The following DOP1B variants were observed in gnomAD, a reference collection of about 807,000 sequenced individuals.
DOP1B encodes the protein DOP1 leucine zipper like protein B, also known as protein DOP1B.
In DOP1B, 174 loss-of-function variants were observed where a neutral mutation model predicts 233.5. The ratio of observed to expected loss-of-function variants is 0.75; its 90% CI spans 0.66 to 0.85. The LOEUF (loss-of-function observed/expected upper bound fraction) is 0.85. Among genes scored for constraint, DOP1B ranks in the 40% least tolerant of loss-of-function variants. DOP1B has a pLI of 0.00. For missense variants in DOP1B, 2,652 were observed against 2,846.6 expected, an observed-to-expected ratio of 0.93 and a Z score of 1.56; for synonymous variants, 1,190 against 1,185.6, an observed-to-expected ratio of 1.00 and a Z score of -0.08.
At chr21:36,289,307 A>AGATGGTGGTTTC in intron 35 of DOP1B, 101 bp downstream of exon 35, 1 of 1,242,222 alleles carries the variant, frequency 8.1e-7, no homozygotes, top group Non-Finnish European at 1.1e-6. Context: ...ATGGGAAACC[A>AGATGGTGGTTTC]CCATCTGGGT....
intron 14 of DOP1B, 53 bp from the exon 15 acceptor site, chr21:36,232,751 C>T (rs2066781677): frequency 1.2e-6 from 2 of 1,604,410 alleles, no homozygotes; most frequent in Non-Finnish European, 1.7e-6. Context: ...GACTGGGGAC[C>T]CATTCTCACG....
At chr21:36,258,439 A>G (rs1207283104) in intron 23 of DOP1B, among the ~76,000 whole-genome samples, 3 of 152,118 alleles carry the variant, frequency 2.0e-5, no homozygotes, top group Non-Finnish European at 4.4e-5. Context: ...CACATCAGAC[A>G]ATGTGCCGAC....
chr21:36,219,308 A>AT (rs1328972736), intron 9 of DOP1B, 64 bp from the exon 10 acceptor site: 1 of 1,600,860 alleles, frequency 6.2e-7, no homozygotes, highest in African/African-American at 1.3e-5. Context: ...GTATATACAT[A>AT]TGTCACTTAC....
At chr21:36,250,933 T>G (rs1179768252) in intron 21 of DOP1B, among the ~76,000 whole-genome samples, 4 of 152,106 alleles carry the variant, frequency 2.6e-5, no homozygotes, top group African/African-American at 9.7e-5. Context: ...TCACTGCCCC[T>G]TCCCCCCGCC....
At chr21:36,209,242 C>G (rs1352680759) in intron 5 of DOP1B, among the ~76,000 whole-genome samples, 1 of 152,224 alleles carries the variant, frequency 6.6e-6, no homozygotes, top group African/African-American at 2.4e-5. Flanking sequence ...CTCTCTCAGC[C>G]TCCCGAGTAG....
At chr21:36,238,135 C>G (rs865893618) in intron 16 of DOP1B, among the ~76,000 whole-genome samples, 3 of 152,270 alleles carry the variant, frequency 2.0e-5, no homozygotes, top group Middle Eastern at 3.4e-3. Flanking sequence ...CCACTGCACT[C>G]TGGTTTGGGT....
intron 2 of DOP1B, among the ~76,000 whole-genome samples, chr21:36,186,206 A>C (rs1481354058): frequency 6.7e-6 from 1 of 149,886 alleles, no homozygotes; most frequent in African/African-American, 2.4e-5. Flanking sequence ...TCGTCTCACA[A>C]AAAAAAAAAG....
At chr21:36,213,306 C>G (rs553527947) in intron 7 of DOP1B, among the ~76,000 whole-genome samples, 1 of 152,258 alleles carries the variant, frequency 6.6e-6, no homozygotes, top group African/African-American at 2.4e-5. Flanking sequence ...GACACTGGGC[C>G]TGACCACAGT....
rs140662417 is a variant in DOP1B at position 36,203,523 on chromosome 21, G to A, written c.491+3022G>A. On this transcript the variant is annotated intron_variant, in intron 4 of 36. Coordinates refer to ENST00000691173, the MANE Select transcript of DOP1B (RefSeq NM_001320714.2). Reference sequence around the variant, plus strand: ...GTGGAGGTTGCAGTGAGCCAAGATCGCACCACTGCACTCTAGCCTGGGCAA... The same window carrying A: ...GTGGAGGTTGCAGTGAGCCAAGATCACACCACTGCACTCTAGCCTGGGCAA... Among the ~76,000 whole-genome samples the A allele has an allele frequency of 1.6e-3, 243 of 152,146 alleles. 2 individuals are homozygous for A. The highest frequency in any genetic ancestry group is 2.1e-3 in the Admixed American group (32 of 15,266).
Position 36,239,877 on chromosome 21 carries a change from G to A in DOP1B, c.2989G>A (p.Glu997Lys). 7 of 1,603,334 alleles carry A rather than the reference G, an allele frequency of 4.4e-6. No individual in the cohort carries two copies. The highest frequency in any genetic ancestry group is 2.3e-5 in the East Asian group (1 of 44,406). ...LSLGDVARILEPVLLLLLQPK... is the reference protein window; with the variant it reads ...LSLGDVARILKPVLLLLLQPK... ...CCTCGGGGACGTGGCTCGCATCCTC[G>A]AACCCGTGCTCCTGCTGCTGCTGCA... The change falls in exon 18 of 37, where the codon GAA becomes AAA. Residue 997 changes from glutamate to lysine, a missense_variant. By Grantham distance (56) the Glu-to-Lys change is moderately conservative. Coordinates refer to ENST00000691173, the MANE Select transcript of DOP1B (RefSeq NM_001320714.2).
At chr21:36,221,364 C>G (rs9978042) in intron 10 of DOP1B, among the ~76,000 whole-genome samples, 151,704 of 151,712 alleles carry the variant, frequency 1, 75,848 homozygotes, top group Middle Eastern at 1. Context: ...GTGTGGTGGG[C>G]CATGCCTGTA....
chr21:36,212,047 T>C lies in DOP1B; in HGVS notation c.854T>C (p.Leu285Pro). 6.2e-7 allele frequency: 1 copy of C among 1,613,870 alleles called. No homozygotes were observed. The highest frequency in any genetic ancestry group is 8.5e-7 in the Non-Finnish European group (1 of 1,179,940). Reference sequence around the variant, plus strand: ...ATTCTCTCAGCCGCCACCCAGACCCTACTGAGAAGGGACATGTCCCTGAAC... The same window carrying C: ...ATTCTCTCAGCCGCCACCCAGACCCCACTGAGAAGGGACATGTCCCTGAAC... ...VRILSAATQT[L>P]LRRDMSLNRR... Residue 285 changes from leucine to proline, a missense_variant, in exon 7 of 37, where the codon CTA becomes CCA. By Grantham distance (98) the Leu-to-Pro change is moderately conservative (BLOSUM62 -3). Transcript: ENST00000691173.
At chr21:36,169,151 A>G in intron 2 of DOP1B, 1 of 956,120 alleles carries the variant, frequency 1.0e-6, no homozygotes, top group South Asian at 1.3e-5. Context: ...GAGAATGAGC[A>G]CTCGCTTCTT....
At chr21:36,247,713 A>G (rs2066984829) in intron 20 of DOP1B, 85 bp downstream of exon 20, 2 of 951,134 alleles carry the variant, frequency 2.1e-6, no homozygotes, top group East Asian at 2.5e-5. Context: ...TAAGTAACGT[A>G]TGTATGTAAT....
rs200255806 is a variant in DOP1B, at chr21:36,246,010, G to C, written c.4030G>C (p.Val1344Leu). Reference sequence around the variant, plus strand: ...CCGAGACATTCTCGGCAACCGGGACGTGCAGGTCAAAAGTGTCGAGGTTTT... The same window carrying C: ...CCGAGACATTCTCGGCAACCGGGACCTGCAGGTCAAAAGTGTCGAGGTTTT... The part of the protein sequence containing the change: ...SHRDILGNRD[V>L]QVKSVEVLIR... The change falls in exon 19 of 37, where the codon GTG becomes CTG. Residue 1344 changes from valine to leucine, a missense_variant. Val to Leu is a conservative substitution (Grantham distance 32). Coordinates refer to ENST00000691173, the MANE Select transcript of DOP1B (RefSeq NM_001320714.2). The surrounding 1 kb of genome is among the most constrained non-coding windows in gnomAD (Gnocchi z 5.1). The C allele has an allele frequency of 1.2e-6, 2 of 1,614,046 alleles. No homozygotes were observed. Among genetic ancestry groups the C allele is most frequent in the East Asian group, 2.2e-5 (1 of 44,866 alleles).
rs1029734082 is a variant in DOP1B at position 36,264,392 on chromosome 21, CAGAG to C, written c.5487+584_5487+587del. Among the ~76,000 whole-genome samples the C allele has an allele frequency of 2.9e-4, 44 of 152,000 alleles. 1 individual carries two copies. Among genetic ancestry groups the C allele is most frequent in the African/African-American group, 1.0e-3 (42 of 41,420 alleles). ...ACACCACTGCACTTCAGCCTGGCAACAGAGAGAGATCCTGTCTCAAAAAAATTTT... is the reference window on the plus strand; with the variant it reads ...ACACCACTGCACTTCAGCCTGGCAACAGAGATCCTGTCTCAAAAAAATTTT... On this transcript the variant is annotated intron_variant, in intron 26 of 36. Transcript: ENST00000691173.
rs768219773 is a variant in DOP1B at position 36,245,324 on chromosome 21, C to A, written c.3344C>A (p.Thr1115Lys). 20 of 1,614,136 alleles carry A rather than the reference C, an allele frequency of 1.2e-5. No individual in the cohort carries two copies. The highest frequency in any genetic ancestry group is 1.7e-5 in the Admixed American group (1 of 60,034). The stretch of plus-strand genomic sequence containing the variant: ...AGCGAGCACACCGAGTCTGCAGATA[C>A]AAGCTCCTGCCACACGGACAGCGAG... ...DSSEHTESAD[T>K]SSCHTDSENT... Residue 1115 changes from threonine (T) to lysine (K), a missense_variant, in exon 19 of 37, where the codon ACA (threonine) becomes AAA (lysine). Physicochemically the swap from Thr to Lys is moderately conservative, Grantham distance 78. Transcript: ENST00000691173. This position sits in a 1 kb window ranked among gnomAD's most constrained non-coding sequence, Gnocchi z 5.5.
chr21:36,177,452 G>A (rs189681382), intron 2 of DOP1B, among the ~76,000 whole-genome samples: 2 of 152,358 alleles, frequency 1.3e-5, no homozygotes, highest in East Asian at 1.9e-4. Context: ...CAGGTCTGCT[G>A]TGGGGCTGGA....
rs551224628 is a variant in DOP1B at position 36,167,899 on chromosome 21, G to C, written c.138+3028G>C. ...TTTTACAGCTGAATAATACTCTATTGTATGGGTAAGTCACATTTTCTTTTC... is the reference window on the plus strand; with the variant it reads ...TTTTACAGCTGAATAATACTCTATTCTATGGGTAAGTCACATTTTCTTTTC... On this transcript the variant is annotated intron_variant, in intron 2 of 36. Coordinates refer to ENST00000691173, the MANE Select transcript of DOP1B (RefSeq NM_001320714.2). 3.7e-5 allele frequency among the ~76,000 whole-genome samples: 5 copies of C among 136,012 alleles called. No homozygotes were observed. In the South Asian group the frequency reaches 1.2e-3, roughly 33 times the overall value. 89.2% of individuals were successfully genotyped at this position (136,012 alleles called of 152,430 possible).
Sources: allele counts gnomAD v4.1 joint callset (sites outside exome capture counted in the v4.1 genomes callset), GRCh38; gene constraint gnomAD v4.1.1; non-coding constraint Gnocchi (gnomAD v3.1); transcripts MANE v1.5; gene names NCBI Gene and HGNC (gene_info 2026-07-23, HGNC 2026-07-21).